Variants in PCDHA13 observed in about 807,000 individuals in gnomAD.
PCDHA13 encodes the protein protocadherin alpha 13.
PCDHA13 carries 54 observed loss-of-function variants against 64.8 expected under a neutral mutation model. That is an observed-to-expected ratio of 0.83 (90% CI 0.67 to 1.04). The LOEUF is 1.04. Ranked by LOEUF, PCDHA13 falls within the 50% of genes least tolerant of loss-of-function variation. The pLI is 0.00. For missense variants in PCDHA13, 1,248 were observed against 1,254.3 expected, an observed-to-expected ratio of 0.99 and a Z score of 0.08; for synonymous variants, 587 against 564.4, an observed-to-expected ratio of 1.04 and a Z score of -0.57.
chr5:140,924,926 T>A (rs1554202369), intron 1 of PCDHA13, among the ~76,000 whole-genome samples: 1 of 119,426 alleles, frequency 8.4e-6, no homozygotes, highest in African/African-American at 3.1e-5. Flanking sequence ...TAAAATAAAA[T>A]AAAATAAAAT....
intron 1 of PCDHA13, among the ~76,000 whole-genome samples, chr5:140,898,903 C>T (rs1323359632): frequency 6.6e-6 from 1 of 152,100 alleles, no homozygotes; most frequent in Non-Finnish European, 1.5e-5. Context: ...AGAGGTCCTT[C>T]ACGTCCCTTG....
intron 1 of PCDHA13, among the ~76,000 whole-genome samples, chr5:140,915,885 G>A (rs1487160672): frequency 6.6e-6 from 1 of 152,204 alleles, no homozygotes; most frequent in Admixed American, 6.5e-5. Context: ...AGGGTAGCAA[G>A]TTCCCCCTGG....
intron 1 of PCDHA13, among the ~76,000 whole-genome samples, chr5:140,932,575 G>A (rs1554208974): frequency 6.6e-6 from 1 of 151,674 alleles, no homozygotes; most frequent in South Asian, 2.1e-4. Context: ...TTTCCCATAG[G>A]GTAATTAGAT....
At chr5:140,989,665 T>G (rs2097353443) in intron 3 of PCDHA13, among the ~76,000 whole-genome samples, 2 of 152,190 alleles carry the variant, frequency 1.3e-5, no homozygotes, top group South Asian at 4.1e-4. Flanking sequence ...TAAAAGAAAC[T>G]CTGCCCAGAT....
intron 1 of PCDHA13, among the ~76,000 whole-genome samples, chr5:140,895,085 C>T (rs144485224): frequency 2.0e-5 from 3 of 152,298 alleles, no homozygotes; most frequent in Non-Finnish European, 4.4e-5. Flanking sequence ...AGTTCCTCCT[C>T]AGTATAGGGG....
At chr5:140,915,207 A>G (rs1238146165) in intron 1 of PCDHA13, among the ~76,000 whole-genome samples, 2 of 152,154 alleles carry the variant, frequency 1.3e-5, no homozygotes, top group Non-Finnish European at 2.9e-5. Flanking sequence ...TTGGCCTCCC[A>G]AAGTGCTGGG....
At chr5:140,929,457 G>A (rs975305297) in intron 1 of PCDHA13, 25 of 1,362,276 alleles carry the variant, frequency 1.8e-5, no homozygotes, top group Non-Finnish European at 2.4e-5. Flanking sequence ...AGCACTTCCT[G>A]TGCCAAGAAA....
intron 3 of PCDHA13, among the ~76,000 whole-genome samples, chr5:140,986,669 G>C (rs1448376850): frequency 6.6e-6 from 1 of 152,138 alleles, no homozygotes; most frequent in African/African-American, 2.4e-5. Flanking sequence ...ACAGTTTTCA[G>C]AAGAGTTCAG....
At chr5:140,890,707 T>A (rs1217575075) in intron 1 of PCDHA13, among the ~76,000 whole-genome samples, 1 of 152,206 alleles carries the variant, frequency 6.6e-6, no homozygotes, top group African/African-American at 2.4e-5. Context: ...CTTACATTTT[T>A]AAAATCTTTT....
chr5:140,950,028 A>G (rs1288516742), intron 1 of PCDHA13, among the ~76,000 whole-genome samples: 6 of 151,954 alleles, frequency 3.9e-5, no homozygotes, highest in Non-Finnish European at 8.8e-5. Flanking sequence ...TAAAATATAG[A>G]AAAGTTACAA....
At chr5:140,895,339 T>C (rs1331642230) in intron 1 of PCDHA13, among the ~76,000 whole-genome samples, 3 of 152,196 alleles carry the variant, frequency 2.0e-5, no homozygotes, top group African/African-American at 4.8e-5. Context: ...ATTGTTTTAC[T>C]ATGCTTTCCA....
Position 141,012,065 on chromosome 5 carries a change from T to G in PCDHA13, c.*2128T>G, listed in dbSNP as rs2098422876. The G allele has an allele frequency of 6.5e-6, 1 of 153,794 alleles. No individual in the cohort carries two copies. Among genetic ancestry groups the G allele is most frequent in the Non-Finnish European group, 1.5e-5 (1 of 68,044 alleles). The allele number at this position is 153,794 out of a possible 1,614,324, so 9.5% of individuals were successfully genotyped here. A position where few individuals can be genotyped will look rare whatever the true frequency, so the allele number is the denominator to read the frequency against. ...GGGTAAAACTTGTTACCAACACATGTGAACCATTGCTACATTGTAGGTTGT... is the reference window on the plus strand; with the variant it reads ...GGGTAAAACTTGTTACCAACACATGGGAACCATTGCTACATTGTAGGTTGT... On this transcript the variant is annotated 3_prime_UTR_variant, in exon 4 of 4. Transcript: ENST00000289272.
intron 1 of PCDHA13, among the ~76,000 whole-genome samples, chr5:140,971,942 C>A (rs2153791969): frequency 6.6e-6 from 1 of 152,140 alleles, no homozygotes; most frequent in Middle Eastern, 3.4e-3. Flanking sequence ...AAGTTGTATC[C>A]ATCTGACTCC....
At chr5:140,939,207 T>C (rs1013809748) in intron 1 of PCDHA13, among the ~76,000 whole-genome samples, 1 of 152,180 alleles carries the variant, frequency 6.6e-6, no homozygotes, top group Non-Finnish European at 1.5e-5. Context: ...GAATGTCACC[T>C]TCTTGCTGTC....
Position 141,010,780 on chromosome 5 carries a change from TGCAAAA to T in PCDHA13, c.*851_*856del, listed in dbSNP as rs1309288663. 1 of 153,816 alleles carries T rather than the reference TGCAAAA, an allele frequency of 6.5e-6. No homozygotes were observed. The highest frequency in any genetic ancestry group is 1.9e-4 in the East Asian group (1 of 5,188). The allele number at this position is 153,816 out of a possible 1,614,324, so 9.5% of individuals were successfully genotyped here. On this transcript the variant is annotated 3_prime_UTR_variant, in exon 4 of 4. Transcript: ENST00000289272. ...AGGCCAGATCCTTTTCCAATACTTATGCAAAAGCAAAAGAAAACCCCGACACCTCAC... is the reference window on the plus strand; with the variant it reads ...AGGCCAGATCCTTTTCCAATACTTATGCAAAAGAAAACCCCGACACCTCAC...
chr5:140,997,859 T>C (rs2097788506), intron 3 of PCDHA13, among the ~76,000 whole-genome samples: 1 of 152,216 alleles, frequency 6.6e-6, no homozygotes, highest in Non-Finnish European at 1.5e-5. Context: ...TACATATTTC[T>C]TATGCATGCT....
At chr5:140,891,888 T>C (rs1562860973) in intron 1 of PCDHA13, among the ~76,000 whole-genome samples, 1 of 152,212 alleles carries the variant, frequency 6.6e-6, no homozygotes, top group Non-Finnish European at 1.5e-5. Context: ...CATGTGACGA[T>C]GCAGCAAGAA....
chr5:140,890,945 G>A (rs2062873584), intron 1 of PCDHA13, among the ~76,000 whole-genome samples: 1 of 152,132 alleles, frequency 6.6e-6, no homozygotes, highest in Non-Finnish European at 1.5e-5. Flanking sequence ...AGATGCTGGT[G>A]AGGAATGATT....
At chr5:140,976,286 C>G (rs1554237455) in intron 1 of PCDHA13, among the ~76,000 whole-genome samples, 2 of 152,098 alleles carry the variant, frequency 1.3e-5, no homozygotes, top group African/African-American at 2.4e-5. Flanking sequence ...CACAGTGGCT[C>G]AAGCCTGTAA....
Sources: allele counts gnomAD v4.1 joint callset (sites outside exome capture counted in the v4.1 genomes callset), GRCh38; gene constraint gnomAD v4.1.1; transcripts MANE v1.5; gene names NCBI Gene and HGNC (gene_info 2026-07-23, HGNC 2026-07-21).